PM20D2: variants seen among roughly 807,000 people sequenced by gnomAD.
The protein encoded by PM20D2 is xaa-Arg dipeptidase.
Under a neutral mutation model 42.9 loss-of-function variants are expected in PM20D2, and 33 were observed. The observed-to-expected ratio is 0.77, with a 90% CI of 0.58 to 1.03. The LOEUF (loss-of-function observed/expected upper bound fraction) is 1.03. Ranked by LOEUF, PM20D2 falls within the 50% of genes least tolerant of loss-of-function variation. The pLI is 0.00. For missense variants in PM20D2, 548 were observed against 557.0 expected (o/e 0.98, Z 0.16); for synonymous variants, 250 against 228.2 (o/e 1.10, Z -0.86).
At chr6:89,107,568 A>G in the PM20D2 span, among the ~76,000 whole-genome samples, 1 of 152,102 alleles carries the variant, frequency 6.6e-6, no homozygotes, top group East Asian at 1.9e-4. Context: ...CGTCTCTACA[A>G]AAAAATACAA....
intron 2 of PM20D2, among the ~76,000 whole-genome samples, chr6:89,149,998 T>G (rs1770772921): frequency 6.6e-6 from 1 of 152,148 alleles, no homozygotes; most frequent in African/African-American, 2.4e-5. Flanking sequence ...ATCATTGAAG[T>G]GGTTTGGATT....
At chr6:89,117,973 T>C in the PM20D2 span, 4 of 1,414,348 alleles carry the variant, frequency 2.8e-6, no homozygotes, top group Non-Finnish European at 3.8e-6. Flanking sequence ...CCACAGGAGC[T>C]CCGCCGGCCC....
At chr6:89,130,451 A>T in the PM20D2 span, among the ~76,000 whole-genome samples, 4 of 152,092 alleles carry the variant, frequency 2.6e-5, no homozygotes, top group Non-Finnish European at 5.9e-5. Context: ...ATATGTGTGC[A>T]ATTTGATGAC....
chr6:89,107,637 G>A, the PM20D2 span, among the ~76,000 whole-genome samples: 3 of 152,054 alleles, frequency 2.0e-5, no homozygotes, highest in African/African-American at 7.2e-5. Context: ...AGGCTGAGGC[G>A]GGAGAATCAC....
chr6:89,098,547 A>G, the PM20D2 span: 5 of 1,561,772 alleles, frequency 3.2e-6, no homozygotes, highest in Non-Finnish European at 4.3e-6. Context: ...AACTTATATT[A>G]AAGACGGCGT....
At chr6:89,113,100 T>G in the PM20D2 span, among the ~76,000 whole-genome samples, 4 of 152,338 alleles carry the variant, frequency 2.6e-5, no homozygotes, top group African/African-American at 9.6e-5. Context: ...TCTCTGTCCT[T>G]AACTGATGCA....
chr6:89,125,490 C>CAA, the PM20D2 span, among the ~76,000 whole-genome samples: 1 of 149,050 alleles, frequency 6.7e-6, no homozygotes, highest in African/African-American at 2.5e-5. Context: ...AAAAAAAAAA[C>CAA]CATTTCTCAG....
chr6:89,138,884 TAAAC>T, the PM20D2 span, among the ~76,000 whole-genome samples: 36 of 152,010 alleles, frequency 2.4e-4, no homozygotes, highest in Non-Finnish European at 4.3e-4. Context: ...AATAAATAAA[TAAAC>T]AAATAAATAA....
upstream of PM20D2, among the ~76,000 whole-genome samples, chr6:89,141,834 T>G (rs956057499): frequency 6.6e-6 from 1 of 152,202 alleles, no homozygotes; most frequent in Non-Finnish European, 1.5e-5. Flanking sequence ...GACAAAAGTC[T>G]CACTCTGTTG....
chr6:89,117,753 C>T, the PM20D2 span: 4 of 1,459,424 alleles, frequency 2.7e-6, no homozygotes, highest in Non-Finnish European at 3.6e-6. Flanking sequence ...CGGGCCTCGG[C>T]CGTGCTCCGC....
chr6:89,130,819 C>CCTTTTTTTTTTT, the PM20D2 span, among the ~76,000 whole-genome samples: 1 of 24,038 alleles, frequency 4.2e-5, no homozygotes, highest in African/African-American at 1.4e-4. Flanking sequence ...GCTTCTTCTT[C>CCTTTTTTTTTTT]TTTTTTTTTT....
the PM20D2 span, among the ~76,000 whole-genome samples, chr6:89,134,615 C>T: frequency 6.6e-6 from 1 of 151,222 alleles, no homozygotes; most frequent in East Asian, 1.9e-4. Flanking sequence ...GCAGTGATAC[C>T]AATAAGTAGG....
chr6:89,130,303 T>G, the PM20D2 span, among the ~76,000 whole-genome samples: 2 of 152,126 alleles, frequency 1.3e-5, no homozygotes, highest in African/African-American at 2.4e-5. Context: ...CTCACTATAT[T>G]GCCCAGGCTG....
At chr6:89,122,840 TAAAAC>T in the PM20D2 span, among the ~76,000 whole-genome samples, 2 of 152,210 alleles carry the variant, frequency 1.3e-5, no homozygotes, top group East Asian at 1.9e-4. Flanking sequence ...TATCCTTTCT[TAAAAC>T]AAACCATGAA....
upstream of PM20D2, among the ~76,000 whole-genome samples, chr6:89,143,694 G>A (rs560141375): frequency 5.3e-5 from 8 of 152,280 alleles, no homozygotes; most frequent in African/African-American, 1.2e-4. Flanking sequence ...GTAGACAGTT[G>A]TATGAATATT....
At chr6:89,137,697 C>T in the PM20D2 span, among the ~76,000 whole-genome samples, 344 of 152,210 alleles carry the variant, frequency 2.3e-3, 2 homozygotes, top group African/African-American at 7.9e-3. Context: ...TATTTTATTG[C>T]AGACAGTTTT....
At chr6:89,124,060 C>T in the PM20D2 span, among the ~76,000 whole-genome samples, 7 of 152,106 alleles carry the variant, frequency 4.6e-5, no homozygotes, top group Non-Finnish European at 4.4e-5. Context: ...TAAACAAAAC[C>T]ATGTTGGAAA....
At chr6:89,098,541 TA>T in the PM20D2 span, 31 of 1,549,290 alleles carry the variant, frequency 2.0e-5, no homozygotes, top group Admixed American at 6.2e-4. Context: ...TTTAATAACT[TA>T]TATTAAAGAC....
At chr6:89,112,021 A>G in the PM20D2 span, among the ~76,000 whole-genome samples, 1 of 152,154 alleles carries the variant, frequency 6.6e-6, no homozygotes, top group Non-Finnish European at 1.5e-5. Context: ...AAAACTATTT[A>G]TTTTGAGACC....
Sources: allele counts gnomAD v4.1 joint callset (sites outside exome capture counted in the v4.1 genomes callset), GRCh38; gene constraint gnomAD v4.1.1; transcripts MANE v1.5; gene names NCBI Gene and HGNC (gene_info 2026-07-23, HGNC 2026-07-21).